ATP9B: variants seen among roughly 807,000 people sequenced by gnomAD.
ATP9B encodes the protein ATPase phospholipid transporting 9B.
ATP9B carries 110 observed loss-of-function variants against 146.1 expected under a neutral mutation model. The ratio of observed to expected loss-of-function variants is 0.75; its 90% CI spans 0.65 to 0.88. ATP9B has a LOEUF of 0.88. Ranked by LOEUF, ATP9B falls within the 40% of genes least tolerant of loss-of-function variation. The pLI is 0.00. For synonymous variants in ATP9B, 604 were observed against 569.7 expected (o/e 1.06, Z -0.86); for missense variants, 1,499 against 1,496.4 (o/e 1.00, Z -0.03).
At chr18:79,166,853 G>A (rs1188665101) in intron 7 of ATP9B, among the ~76,000 whole-genome samples, 1 of 152,176 alleles carries the variant, frequency 6.6e-6, no homozygotes, top group African/African-American at 2.4e-5. Context: ...TGCCGGCCCG[G>A]ATCCCACGCC....
intron 17 of ATP9B, among the ~76,000 whole-genome samples, chr18:79,335,154 A>C (rs1305552280): frequency 6.6e-6 from 1 of 152,192 alleles, no homozygotes; most frequent in African/African-American, 2.4e-5. Context: ...TCCGCTGGCT[A>C]TGTGGAAATG....
In ATP9B at chr18:79,109,405, G is replaced by A. The variant is rs986955590; in HGVS notation, c.294-950G>A. Among the ~76,000 whole-genome samples, 3 of 152,058 alleles carry A rather than the reference G, an allele frequency of 2.0e-5. 1 individual carries two copies. Among genetic ancestry groups the A allele is most frequent in the Admixed American group, 2.0e-4 (3 of 15,290 alleles). ...GATGACCAAGAAGGGGAAGAGTTGTGCTCCTGAAACCCAGACACTATTGGA... is the reference window on the plus strand; with the variant it reads ...GATGACCAAGAAGGGGAAGAGTTGTACTCCTGAAACCCAGACACTATTGGA... On this transcript the variant is annotated intron_variant, in intron 2 of 29. Transcript: ENST00000426216.
At chr18:79,103,258 CTATT>C (rs2075410752) in intron 2 of ATP9B, among the ~76,000 whole-genome samples, 1 of 146,170 alleles carries the variant, frequency 6.8e-6, no homozygotes, top group African/African-American at 2.6e-5. Context: ...AACCAAATAA[CTATT>C]TGTAGTTTTT....
At chr18:79,091,910 A>G (rs2074353388) in intron 1 of ATP9B, among the ~76,000 whole-genome samples, 1 of 152,094 alleles carries the variant, frequency 6.6e-6, no homozygotes, top group Non-Finnish European at 1.5e-5. Context: ...GTTTTGCTGT[A>G]TGTGTTTTGA....
chr18:79,146,882 G>T (rs925526645), intron 6 of ATP9B: 1 of 152,546 alleles, frequency 6.6e-6, no homozygotes, highest in East Asian at 1.9e-4. Context: ...AAATGCAGAC[G>T]TACGTTCTAA....
intron 11 of ATP9B, among the ~76,000 whole-genome samples, chr18:79,225,272 G>A (rs935807442): frequency 1.3e-5 from 2 of 152,116 alleles, no homozygotes; most frequent in African/African-American, 4.8e-5. Context: ...TTTTACAATT[G>A]CATTAACTAA....
intron 5 of ATP9B, among the ~76,000 whole-genome samples, chr18:79,130,784 G>T (rs975142924): frequency 1.3e-5 from 2 of 152,110 alleles, no homozygotes; most frequent in African/African-American, 4.8e-5. Context: ...AAGGCAGTGG[G>T]GTGACATTTT....
At chr18:79,214,958 G>A (rs1188716689) in intron 11 of ATP9B, among the ~76,000 whole-genome samples, 1 of 151,926 alleles carries the variant, frequency 6.6e-6, no homozygotes, top group Non-Finnish European at 1.5e-5. Flanking sequence ...GACCAGCCTG[G>A]CCAACATGGT....
intron 15 of ATP9B, among the ~76,000 whole-genome samples, chr18:79,312,361 C>T (rs900417639): frequency 6.6e-6 from 1 of 152,210 alleles, no homozygotes; most frequent in Non-Finnish European, 1.5e-5. Context: ...GCATTTTGTT[C>T]AGCAAGGCTG....
At chr18:79,088,625 G>A (rs893500750) in intron 1 of ATP9B, among the ~76,000 whole-genome samples, 1 of 152,142 alleles carries the variant, frequency 6.6e-6, no homozygotes, top group African/African-American at 2.4e-5. Flanking sequence ...TTTAAAAGAG[G>A]GGTGAAAAGA....
chr18:79,114,196 A>G (rs994773408), intron 4 of ATP9B, among the ~76,000 whole-genome samples: 1 of 152,062 alleles, frequency 6.6e-6, no homozygotes, highest in Non-Finnish European at 1.5e-5. Flanking sequence ...CTCACCTCAA[A>G]TGATCCACCT....
At position 79,344,277 on chromosome 18, in the gene ATP9B, G is replaced by T; in HGVS notation, c.2395G>T (p.Gly799Ter). Residue 799 changes from glycine to a stop codon, truncating the protein, a stop_gained, in exon 21 of 30, where the codon GGA becomes TGA. Coordinates refer to ENST00000426216, the MANE Select transcript of ATP9B (RefSeq NM_198531.5). LOFTEE classifies it high-confidence loss of function. The part of the protein sequence containing the change: ...IHIFRQVTSR[G>*]EAHLELNAFR... ...TCCCTTAATGGAGGTAACCAGTCGG[G>T]GAGAGGCACATTTGGAGCTGAATGC... 1 of 1,614,180 alleles carries T rather than the reference G, an allele frequency of 6.2e-7. No individual in the cohort carries two copies. The highest frequency in any genetic ancestry group is 8.5e-7 in the Non-Finnish European group (1 of 1,180,014).
rs897543808 is a variant in ATP9B, at chr18:79,193,297, T to G, written c.954+34T>G. 3 of 1,504,234 alleles carry G rather than the reference T, an allele frequency of 2.0e-6. No individual in the cohort carries two copies. In the African/African-American group the frequency reaches 4.2e-5, roughly 21 times the overall value. 93.2% of individuals were successfully genotyped at this position (1,504,234 alleles called of 1,614,324 possible). ...AACCTGTTGTTCAATACAAATAGAG[T>G]TATTGTGTAAGTTAAAAGTAGCAAA... On this transcript the variant is annotated intron_variant, in intron 9 of 29. Coordinates refer to ENST00000426216, the MANE Select transcript of ATP9B (RefSeq NM_198531.5).
chr18:79,199,454 CT>C (rs929158713), intron 9 of ATP9B, among the ~76,000 whole-genome samples: 16 of 151,708 alleles, frequency 1.1e-4, no homozygotes, highest in African/African-American at 2.9e-4. Flanking sequence ...ACTTTTTAAA[CT>C]TTTTTTTGTT....
intron 13 of ATP9B, among the ~76,000 whole-genome samples, chr18:79,284,934 T>TA (rs2096419971): frequency 6.6e-6 from 1 of 152,192 alleles, no homozygotes; most frequent in African/African-American, 2.4e-5. Context: ...TCCATGTCCC[T>TA]ACAAAGGACA....
At chr18:79,346,950 G>A (rs922024936) in intron 23 of ATP9B, among the ~76,000 whole-genome samples, 6 of 152,264 alleles carry the variant, frequency 3.9e-5, no homozygotes, top group South Asian at 2.1e-4. Context: ...ATCCTGCCAC[G>A]TGCATTACAG....
Position 79,207,290 on chromosome 18 carries a change from C to T in ATP9B, c.1030+278C>T, listed in dbSNP as rs536158169. Reference sequence around the variant, plus strand: ...CAGGGATATTCTGTTCGTCTTTGACCTGTTTCTTGACAAACTTGTCAGTGT... The same window carrying T: ...CAGGGATATTCTGTTCGTCTTTGACTTGTTTCTTGACAAACTTGTCAGTGT... On this transcript the variant is annotated intron_variant, in intron 10 of 29. Transcript: ENST00000426216. Among the ~76,000 whole-genome samples, 4 of 152,302 alleles carry T rather than the reference C, an allele frequency of 2.6e-5. No individual in the cohort carries two copies. In the East Asian group the frequency reaches 5.8e-4, roughly 22 times the overall value.
intron 15 of ATP9B, among the ~76,000 whole-genome samples, chr18:79,309,928 G>A (rs2096643351): frequency 6.6e-6 from 1 of 152,148 alleles, no homozygotes; most frequent in African/African-American, 2.4e-5. Context: ...CAAATTCATA[G>A]GTTAAAAAAC....
rs532507955 is a variant in ATP9B, at chr18:79,096,508, A to G, written c.152A>G (p.Asp51Gly). ...YQLEDESAHL[D>G]EMPLMMSEEG... ...CTGGAGGATGAGTCTGCGCATTTGG[A>G]TGAAATGCCACTAATGATGTCTGAA... Residue 51 changes from aspartate (D) to glycine (G), a missense_variant, in exon 2 of 30, where the codon GAT becomes GGT. Coordinates refer to ENST00000426216, the MANE Select transcript of ATP9B (RefSeq NM_198531.5). 1.3e-5 allele frequency: 21 copies of G among 1,614,050 alleles called. No individual in the cohort carries two copies. The highest frequency in any genetic ancestry group is 1.8e-5 in the Non-Finnish European group (21 of 1,179,968).
Sources: gnomAD v4.1 joint callset for allele counts (sites outside exome capture counted in the v4.1 genomes callset) on GRCh38, gnomAD v4.1.1 for gene constraint, MANE v1.5 for transcripts, NCBI Gene and HGNC (gene_info 2026-07-23, HGNC 2026-07-21) for gene names.